Variants in ARHGAP24 observed in about 807,000 individuals in gnomAD.
The protein encoded by ARHGAP24 is rho GTPase-activating protein 24.
In ARHGAP24, 50 loss-of-function variants were observed where a neutral mutation model predicts 76.4. The ratio of observed to expected loss-of-function variants is 0.65; its 90% CI spans 0.52 to 0.83. The LOEUF is 0.83. Among genes scored for constraint, ARHGAP24 ranks in the 40% least tolerant of loss-of-function variants. The probability of loss-of-function intolerance (pLI) is 0.00; values close to 1 mark genes in which losing one functional copy is unlikely to be tolerated. For synonymous variants in ARHGAP24, 345 were observed against 323.3 expected (o/e 1.07, Z -0.72); for missense variants, 930 against 914.2 (o/e 1.02, Z -0.22).
chr4:85,867,368 C>T (rs1732254244), intron 3 of ARHGAP24, among the ~76,000 whole-genome samples: 1 of 152,082 alleles, frequency 6.6e-6, no homozygotes, highest in African/African-American at 2.4e-5. Flanking sequence ...CGTTTACACT[C>T]AAAGTCAAAA....
rs12505097 is a variant in ARHGAP24 at position 86,000,459 on chromosome 4, C to G, written c.2004-20C>G. ...TACTCTTGCGTCCCCACCCCCCACC[C>G]CCCCCAACATCCTTTGTAGCTTAGA... On this transcript the variant is annotated intron_variant, in intron 9 of 9. Transcript: ENST00000395184. 297,581 of 725,410 alleles carry G rather than the reference C, an allele frequency of 0.41. 38,537 individuals are homozygous for G. The highest frequency in any genetic ancestry group is 0.5 in the African/African-American group (24,815 of 49,216). The allele number at this position is 725,410 out of a possible 1,614,324, so 44.9% of individuals were successfully genotyped here.
At chr4:85,913,569 C>T (rs1409727159) in intron 3 of ARHGAP24, among the ~76,000 whole-genome samples, 1 of 151,998 alleles carries the variant, frequency 6.6e-6, no homozygotes, top group Non-Finnish European at 1.5e-5. Flanking sequence ...TGGTGACTTC[C>T]AAATGTATGC....
At chr4:85,847,867 C>A (rs545165875) in intron 3 of ARHGAP24, among the ~76,000 whole-genome samples, 2 of 152,212 alleles carry the variant, frequency 1.3e-5, no homozygotes, top group African/African-American at 4.8e-5. Flanking sequence ...TTATGAGCAT[C>A]CCCAAAAATG....
intron 2 of ARHGAP24, among the ~76,000 whole-genome samples, chr4:85,679,022 A>T (rs772570824): frequency 5.9e-5 from 9 of 152,202 alleles, no homozygotes; most frequent in Non-Finnish European, 1.2e-4. Flanking sequence ...AGTCACGCAA[A>T]ATATAAGAAC....
intron 3 of ARHGAP24, among the ~76,000 whole-genome samples, chr4:85,862,281 A>G (rs2110178007): frequency 6.6e-6 from 1 of 152,184 alleles, no homozygotes; most frequent in Non-Finnish European, 1.5e-5. Flanking sequence ...TGGTGGAAGA[A>G]GATTTATAGG....
intron 3 of ARHGAP24, among the ~76,000 whole-genome samples, chr4:85,797,153 T>A (rs28841671): frequency 0.27 from 39,953 of 150,580 alleles, 5,580 homozygotes; most frequent in African/African-American, 0.32. Context: ...GGAAAAAAAA[T>A]TTTTTTTGTT....
chr4:85,776,397 C>T (rs1670269964), intron 3 of ARHGAP24, among the ~76,000 whole-genome samples: 1 of 152,154 alleles, frequency 6.6e-6, no homozygotes, highest in South Asian at 2.1e-4. Flanking sequence ...TCAGAGCATT[C>T]CCAGAGTAGG....
chr4:85,698,226 G>A (rs1197641808), intron 2 of ARHGAP24, among the ~76,000 whole-genome samples: 2 of 152,170 alleles, frequency 1.3e-5, no homozygotes, highest in Non-Finnish European at 2.9e-5. Flanking sequence ...TCTTACCAGA[G>A]CAGCTTCATT....
At chr4:85,956,060 A>G (rs1175449531) in intron 5 of ARHGAP24, among the ~76,000 whole-genome samples, 1 of 152,216 alleles carries the variant, frequency 6.6e-6, no homozygotes, top group Non-Finnish European at 1.5e-5. Flanking sequence ...TTGATGGAAG[A>G]AAGTGGAGAA....
chr4:85,547,695 C>T (rs879436036), intron 1 of ARHGAP24, among the ~76,000 whole-genome samples: 8 of 152,150 alleles, frequency 5.3e-5, no homozygotes, highest in Admixed American at 2.6e-4. Flanking sequence ...CTCAGCCTCC[C>T]GAAGTGCTGG....
chr4:85,752,729 G>A (rs771081384), intron 3 of ARHGAP24, among the ~76,000 whole-genome samples: 25 of 152,124 alleles, frequency 1.6e-4, no homozygotes, highest in Admixed American at 1.3e-4. Context: ...TTTCCTCTCT[G>A]TAAAATTGCA....
chr4:85,518,719 G>C (rs1724618533), intron 1 of ARHGAP24, among the ~76,000 whole-genome samples: 1 of 152,104 alleles, frequency 6.6e-6, no homozygotes, highest in South Asian at 2.1e-4. Flanking sequence ...TGGCTGTGTA[G>C]TATTGCATCA....
intron 3 of ARHGAP24, among the ~76,000 whole-genome samples, chr4:85,915,720 T>C (rs1042958050): frequency 1.3e-5 from 2 of 152,204 alleles, no homozygotes; most frequent in Admixed American, 6.5e-5. Context: ...GGTTTCCAGC[T>C]TCATCTAGGT....
intron 1 of ARHGAP24, among the ~76,000 whole-genome samples, chr4:85,479,271 A>G (rs1219964791): frequency 6.6e-6 from 1 of 152,250 alleles, no homozygotes; most frequent in Non-Finnish European, 1.5e-5. Flanking sequence ...CTAAAGCAAA[A>G]GCAAAACAAA....
chr4:85,698,787 A>T (rs1201596238), intron 2 of ARHGAP24, among the ~76,000 whole-genome samples: 3 of 152,166 alleles, frequency 2.0e-5, no homozygotes, highest in Non-Finnish European at 2.9e-5. Context: ...TAGTTTGGAT[A>T]TTTGTCCTCA....
chr4:85,585,892 A>T (rs1727836018), intron 2 of ARHGAP24, among the ~76,000 whole-genome samples: 1 of 152,228 alleles, frequency 6.6e-6, no homozygotes, highest in South Asian at 2.1e-4. Flanking sequence ...TATCCTTTGC[A>T]TCTAGTTGGT....
intron 2 of ARHGAP24, among the ~76,000 whole-genome samples, chr4:85,577,196 A>G (rs1560539166): frequency 6.7e-6 from 1 of 149,070 alleles, no homozygotes; most frequent in Non-Finnish European, 1.5e-5. Flanking sequence ...ATTCTAGGAA[A>G]TATATATATT....
chr4:85,709,798 T>G (rs1724457763), intron 2 of ARHGAP24, among the ~76,000 whole-genome samples: 1 of 151,936 alleles, frequency 6.6e-6, no homozygotes, highest in African/African-American at 2.4e-5. Context: ...AAGAATAAAG[T>G]ACCTAGCCAG....
chr4:85,986,092 A>G (rs1304393418), intron 8 of ARHGAP24, among the ~76,000 whole-genome samples: 1 of 152,186 alleles, frequency 6.6e-6, no homozygotes, highest in African/African-American at 2.4e-5. Context: ...ATTGAAAAAC[A>G]TGGAGACTGC....
Sources: allele counts gnomAD v4.1 joint callset (sites outside exome capture counted in the v4.1 genomes callset), GRCh38; gene constraint gnomAD v4.1.1; transcripts MANE v1.5; gene names NCBI Gene and HGNC (gene_info 2026-07-23, HGNC 2026-07-21).